Variants in EPB41L4A observed in about 807,000 individuals in gnomAD.
EPB41L4A encodes erythrocyte membrane protein band 4.1 like 4A.
Under a neutral mutation model 108.6 loss-of-function variants are expected in EPB41L4A, and 100 were observed. The ratio of observed to expected loss-of-function variants is 0.92; its 90% CI spans 0.78 to 1.09. EPB41L4A has a LOEUF of 1.09. EPB41L4A is among the 50% of genes least tolerant of loss of function. The probability of loss-of-function intolerance (pLI) is 0.00; values close to 1 mark genes in which losing one functional copy is unlikely to be tolerated. For missense variants in EPB41L4A, 1,030 were observed against 842.7 expected (o/e 1.22, Z -2.75); for synonymous variants, 319 against 289.0 (o/e 1.10, Z -1.05).
chr5:112,378,338 C>T (rs1339141883), intron 1 of EPB41L4A, among the ~76,000 whole-genome samples: 1 of 152,126 alleles, frequency 6.6e-6, no homozygotes, highest in Non-Finnish European at 1.5e-5. Flanking sequence ...TTACCTAGAG[C>T]AGAGAGTAGT....
At chr5:112,234,948 T>C (rs919579366) in intron 11 of EPB41L4A, among the ~76,000 whole-genome samples, 193 bp from the exon 12 acceptor site, 3 of 152,132 alleles carry the variant, frequency 2.0e-5, no homozygotes, top group African/African-American at 7.2e-5. Context: ...TTACATTAGA[T>C]AGAAGGAAAA....
At chr5:112,361,168 G>C (rs1477251434) in intron 1 of EPB41L4A, among the ~76,000 whole-genome samples, 1 of 152,186 alleles carries the variant, frequency 6.6e-6, no homozygotes, top group Non-Finnish European at 1.5e-5. Context: ...ATTTTGTTCT[G>C]TACTAAGAAA....
At chr5:112,169,146 G>A in intron 20 of EPB41L4A, 41 bp from the exon 21 acceptor site, 3 of 1,403,266 alleles carry the variant, frequency 2.1e-6, no homozygotes, top group Middle Eastern at 1.8e-4. Context: ...AACACCCAAA[G>A]TCAGAAAAGG....
intron 2 of EPB41L4A, among the ~76,000 whole-genome samples, chr5:112,291,168 G>A (rs938023729): frequency 6.6e-6 from 1 of 152,130 alleles, no homozygotes; most frequent in Non-Finnish European, 1.5e-5. Context: ...ATTTCCAACA[G>A]AAATGTACAC....
chr5:112,171,023 GCAAACATGCTTCATCTCA>G, intron 18 of EPB41L4A, 31 bp from the exon 19 acceptor site: 2 of 1,585,034 alleles, frequency 1.3e-6, no homozygotes, highest in Non-Finnish European at 1.7e-6. Flanking sequence ...ATTCATCTCT[GCAAACATGCTTCATCTCA>G]CAACCTAATA....
chr5:112,304,351 A>C (rs1462742634), intron 2 of EPB41L4A, among the ~76,000 whole-genome samples: 1 of 152,104 alleles, frequency 6.6e-6, no homozygotes, highest in East Asian at 1.9e-4. Context: ...ACATAACTAT[A>C]ATTTCTGGGA....
At chr5:112,258,941 C>T (rs1751302614) in intron 9 of EPB41L4A, among the ~76,000 whole-genome samples, 1 of 152,198 alleles carries the variant, frequency 6.6e-6, no homozygotes, top group Admixed American at 6.5e-5. Context: ...ACAGAGAGTA[C>T]TGGAAAGCAA....
At chr5:112,342,582 A>G (rs925997646) in intron 1 of EPB41L4A, among the ~76,000 whole-genome samples, 1 of 152,202 alleles carries the variant, frequency 6.6e-6, no homozygotes, top group Non-Finnish European at 1.5e-5. Flanking sequence ...TGTGAAATGC[A>G]TTAGAGCTGA....
intron 1 of EPB41L4A, among the ~76,000 whole-genome samples, chr5:112,391,721 A>G (rs1760954194): frequency 6.6e-6 from 1 of 152,168 alleles, no homozygotes; most frequent in Non-Finnish European, 1.5e-5. Context: ...AATTCAGGAA[A>G]TACAGAGAAC....
intron 20 of EPB41L4A, chr5:112,169,985 G>T: frequency 3.2e-6 from 1 of 310,492 alleles, no homozygotes; most frequent in Non-Finnish European, 5.9e-6. Flanking sequence ...TAATTCTCTT[G>T]GTGTAAAATA....
chr5:112,341,397 A>G (rs1005192064), intron 1 of EPB41L4A, among the ~76,000 whole-genome samples: 1 of 152,190 alleles, frequency 6.6e-6, no homozygotes. Context: ...GTGTGTATGT[A>G]TTGTATTCGG....
At chr5:112,362,147 G>T (rs1443876613) in intron 1 of EPB41L4A, among the ~76,000 whole-genome samples, 1 of 151,726 alleles carries the variant, frequency 6.6e-6, no homozygotes, top group Non-Finnish European at 1.5e-5. Flanking sequence ...ACCCAGGCTG[G>T]AGTGCAGTGG....
At chr5:112,215,356 G>C (rs1747544842) in intron 12 of EPB41L4A, among the ~76,000 whole-genome samples, 1 of 152,184 alleles carries the variant, frequency 6.6e-6, no homozygotes, top group Non-Finnish European at 1.5e-5. Flanking sequence ...TGGCTATTAA[G>C]GCTTTGAAGT....
intron 13 of EPB41L4A, among the ~76,000 whole-genome samples, chr5:112,205,749 G>A (rs1277887049): frequency 6.6e-6 from 1 of 152,052 alleles, no homozygotes; most frequent in Non-Finnish European, 1.5e-5. Flanking sequence ...CAGATGCCAG[G>A]TCCATCAATT....
At chr5:112,306,680 T>A (rs1227871972) in intron 2 of EPB41L4A, among the ~76,000 whole-genome samples, 26 of 152,196 alleles carry the variant, frequency 1.7e-4, no homozygotes, top group Non-Finnish European at 8.8e-5. Context: ...GCTGTGCCTA[T>A]CTGAAGCTAA....
chr5:112,165,156 A>C, intron 22 of EPB41L4A, 38 bp from the exon 23 acceptor site: 1 of 1,496,326 alleles, frequency 6.7e-7, no homozygotes, highest in Non-Finnish European at 9.2e-7. Flanking sequence ...GATTCAGAAG[A>C]AAACAGCCAA....
At chr5:112,339,493 TA>T (rs1561585161) in intron 1 of EPB41L4A, among the ~76,000 whole-genome samples, 26 of 80,140 alleles carry the variant, frequency 3.2e-4, no homozygotes, top group South Asian at 8.4e-4. Context: ...TATATATATA[TA>T]TCTATATATA....
Position 112,413,869 on chromosome 5 carries a change from G to T in EPB41L4A, c.99+5072C>A, listed in dbSNP as rs565057912. Reference sequence around the variant, plus strand: ...GACTGGCAGGGCTAGATCAGGTAGGGTGCTAAGTCAAACAATGAAGCTTGG... The same window carrying T: ...GACTGGCAGGGCTAGATCAGGTAGGTTGCTAAGTCAAACAATGAAGCTTGG... On this transcript the variant is annotated intron_variant, in intron 1 of 22. Transcript: ENST00000261486. Among the ~76,000 whole-genome samples the T allele has an allele frequency of 9.8e-5, 15 of 152,316 alleles. 1 individual carries two copies. The highest frequency in any genetic ancestry group is 4.6e-4 in the Admixed American group (7 of 15,294).
chr5:112,335,505 A>G (rs1239211076), intron 1 of EPB41L4A, among the ~76,000 whole-genome samples: 1 of 152,230 alleles, frequency 6.6e-6, no homozygotes, highest in African/African-American at 2.4e-5. Flanking sequence ...CTATTAAATC[A>G]GGCCCTCAAA....
Sources: allele counts gnomAD v4.1 joint callset (sites outside exome capture counted in the v4.1 genomes callset), GRCh38; gene constraint gnomAD v4.1.1; transcripts MANE v1.5; gene names NCBI Gene and HGNC (gene_info 2026-07-23, HGNC 2026-07-21).